CNTNAP2: variants seen among roughly 807,000 people sequenced by gnomAD.
The protein encoded by CNTNAP2 is contactin associated protein 2, also known as contactin-associated protein-like 2.
CNTNAP2 carries 98 observed loss-of-function variants against 155.2 expected under a neutral mutation model. The observed-to-expected ratio is 0.63, with a 90% CI of 0.54 to 0.75. CNTNAP2 has a LOEUF of 0.75. Ranked by LOEUF, CNTNAP2 falls within the 30% of genes least tolerant of loss-of-function variation. The pLI, the probability that CNTNAP2 is intolerant of heterozygous loss-of-function variation, is 0.00. For synonymous variants in CNTNAP2, 651 were observed against 631.2 expected (o/e 1.03, Z -0.47); for missense variants, 1,727 against 1,688.1 (o/e 1.02, Z -0.40).
At chr7:146,775,367 A>C (rs956015919) in intron 2 of CNTNAP2, among the ~76,000 whole-genome samples, 1 of 152,172 alleles carries the variant, frequency 6.6e-6, no homozygotes, top group Non-Finnish European at 1.5e-5. Flanking sequence ...AATTATCTTG[A>C]GTTAATTATT....
intron 15 of CNTNAP2, among the ~76,000 whole-genome samples, chr7:148,015,148 T>G (rs1802154366): frequency 6.6e-6 from 1 of 152,236 alleles, no homozygotes; most frequent in Non-Finnish European, 1.5e-5. Flanking sequence ...GGAAAATACC[T>G]GTCCATAAGC....
intron 15 of CNTNAP2, among the ~76,000 whole-genome samples, chr7:147,981,963 C>T (rs1301706958): frequency 6.6e-6 from 1 of 152,020 alleles, no homozygotes; most frequent in Non-Finnish European, 1.5e-5. Flanking sequence ...TCTTAAACTA[C>T]ACGTACGCAC....
chr7:146,668,795 T>TTG (rs1800245142), intron 1 of CNTNAP2, among the ~76,000 whole-genome samples: 1 of 152,114 alleles, frequency 6.6e-6, no homozygotes, highest in African/African-American at 2.4e-5. Flanking sequence ...TGGTGTATAG[T>TTG]TGTTCATAGT....
At position 148,383,798 on chromosome 7, in the gene CNTNAP2, C is replaced by T. The variant is rs1238009736; in HGVS notation, c.3625C>T (p.Leu1209=). The stretch of plus-strand genomic sequence containing the variant: ...GGCTCACGTCCACATCCAGGGCGAG[C>T]TGGTGGAGTCCAACTGCGGGGCCTC... ...ASAHVHIQGE[L]VESNCGASPL... is the part of the protein sequence containing the mutation. The change falls in exon 22 of 24, where the codon CTG becomes TTG. Residue 1209 remains leucine, a synonymous_variant. Transcript: ENST00000361727. 6.2e-7 allele frequency: 1 copy of T among 1,614,074 alleles called. No individual in the cohort carries two copies. The highest frequency in any genetic ancestry group is 8.5e-7 in the Non-Finnish European group (1 of 1,180,042).
intron 1 of CNTNAP2, among the ~76,000 whole-genome samples, chr7:146,222,548 G>A (rs1338581015): frequency 1.5e-5 from 2 of 130,234 alleles, no homozygotes; most frequent in African/African-American, 5.3e-5. Context: ...CATAGTGTGT[G>A]TGTGTGTGTG....
At chr7:146,838,311 A>T (rs1241730057) in intron 2 of CNTNAP2, among the ~76,000 whole-genome samples, 1 of 152,036 alleles carries the variant, frequency 6.6e-6, no homozygotes, top group Non-Finnish European at 1.5e-5. Context: ...GTGATTTTTT[A>T]AAATTTTATT....
chr7:147,381,010 A>G (rs1796525652), intron 9 of CNTNAP2, among the ~76,000 whole-genome samples: 1 of 152,046 alleles, frequency 6.6e-6, no homozygotes, highest in African/African-American at 2.4e-5. Context: ...AGAGTGAAAA[A>G]CGAATCTCTC....
At chr7:147,762,758 G>T (rs558903264) in intron 13 of CNTNAP2, among the ~76,000 whole-genome samples, 1 of 148,956 alleles carries the variant, frequency 6.7e-6, no homozygotes, top group African/African-American at 2.5e-5. Flanking sequence ...GAAGGAGGAA[G>T]GAAGAAAAGG....
chr7:147,817,878 C>G (rs1798298639), intron 13 of CNTNAP2, among the ~76,000 whole-genome samples: 1 of 143,882 alleles, frequency 7.0e-6, no homozygotes, highest in African/African-American at 2.6e-5. Context: ...GCACTCCAGC[C>G]TGGGCAACAG....
chr7:146,692,164 A>G (rs1800709415), intron 1 of CNTNAP2, among the ~76,000 whole-genome samples: 1 of 152,118 alleles, frequency 6.6e-6, no homozygotes, highest in African/African-American at 2.4e-5. Context: ...GTAGTCTTCT[A>G]CATTTCCTTT....
At chr7:146,941,585 G>A (rs1488634221) in intron 3 of CNTNAP2, among the ~76,000 whole-genome samples, 1 of 152,076 alleles carries the variant, frequency 6.6e-6, no homozygotes, top group Non-Finnish European at 1.5e-5. Context: ...TTACCAATGA[G>A]TTTTATTCTT....
intron 1 of CNTNAP2, among the ~76,000 whole-genome samples, chr7:146,713,984 A>G (rs1208622160): frequency 2.0e-5 from 3 of 152,112 alleles, no homozygotes; most frequent in Non-Finnish European, 4.4e-5. Flanking sequence ...CACTTCCATC[A>G]TATTTGTTAA....
chr7:146,219,667 G>T (rs934597662), intron 1 of CNTNAP2, among the ~76,000 whole-genome samples: 4 of 152,098 alleles, frequency 2.6e-5, no homozygotes, highest in Admixed American at 2.6e-4. Context: ...AAATGAGATG[G>T]GTCTGGAGCA....
intron 20 of CNTNAP2, among the ~76,000 whole-genome samples, chr7:148,236,360 C>T (rs187346583): frequency 1.3e-5 from 2 of 152,274 alleles, no homozygotes; most frequent in South Asian, 2.1e-4. Flanking sequence ...TCTTACTGCC[C>T]CATTGTTGGT....
chr7:146,662,219 C>T (rs540179408), intron 1 of CNTNAP2, among the ~76,000 whole-genome samples: 8 of 152,140 alleles, frequency 5.3e-5, no homozygotes, highest in African/African-American at 1.2e-4. Flanking sequence ...CTCATTGAAA[C>T]CTCCACCTCC....
At chr7:146,736,112 T>C (rs752633091) in intron 1 of CNTNAP2, among the ~76,000 whole-genome samples, 2 of 152,174 alleles carry the variant, frequency 1.3e-5, no homozygotes, top group Non-Finnish European at 2.9e-5. Flanking sequence ...ATTATTCATA[T>C]GGCATGTATA....
chr7:147,064,764 C>T (rs898739350), intron 4 of CNTNAP2, among the ~76,000 whole-genome samples: 1 of 152,112 alleles, frequency 6.6e-6, no homozygotes, highest in South Asian at 2.1e-4. Context: ...TTCTCTCCAT[C>T]TCCAACAAAA....
chr7:146,356,685 C>T (rs1795003356), intron 1 of CNTNAP2, among the ~76,000 whole-genome samples: 1 of 152,064 alleles, frequency 6.6e-6, no homozygotes, highest in South Asian at 2.1e-4. Flanking sequence ...TTCAATTCAT[C>T]CTAACTGAGC....
At position 146,760,451 on chromosome 7, in the gene CNTNAP2, G is replaced by A. The variant is rs1050403053; in HGVS notation, c.98-13820G>A. Reference sequence around the variant, plus strand: ...TTTTTTTTTTTTTTTTTGAGACAGGGTCTGGCTCTGTTGCCCAAGCTGGAA... The same window carrying A: ...TTTTTTTTTTTTTTTTTGAGACAGGATCTGGCTCTGTTGCCCAAGCTGGAA... On this transcript the variant is annotated intron_variant, in intron 1 of 23. Coordinates refer to ENST00000361727, the MANE Select transcript of CNTNAP2 (RefSeq NM_014141.6). Among the ~76,000 whole-genome samples the A allele has an allele frequency of 8.7e-5, 7 of 80,744 alleles. No individual in the cohort carries two copies. The Admixed American group carries it at 9.9e-4, about 11-fold the overall frequency. The allele number at this position is 80,744 out of a possible 152,430, so 53.0% of individuals were successfully genotyped here.
Sources: allele counts gnomAD v4.1 joint callset (sites outside exome capture counted in the v4.1 genomes callset), GRCh38; gene constraint gnomAD v4.1.1; transcripts MANE v1.5; gene names NCBI Gene and HGNC (gene_info 2026-07-23, HGNC 2026-07-21).